Variants in HSPA12A observed in about 807,000 individuals in gnomAD.
The protein encoded by HSPA12A is heat shock 70 kDa protein 12A.
A neutral mutation model predicts 69.2 loss-of-function variants in HSPA12A; 28 were observed. That is an observed-to-expected ratio of 0.40 (90% CI 0.30 to 0.55). HSPA12A has a LOEUF of 0.55. Ranked by LOEUF, HSPA12A falls within the 20% of genes least tolerant of loss-of-function variation. The probability of loss-of-function intolerance (pLI) is 0.38; values close to 1 mark genes in which losing one functional copy is unlikely to be tolerated. For missense variants in HSPA12A, 686 were observed against 900.7 expected, an observed-to-expected ratio of 0.76 and a Z score of 3.05; for synonymous variants, 345 against 370.5, an observed-to-expected ratio of 0.93 and a Z score of 0.79.
At chr10:116,829,463 T>C (rs2133207680) in intron 2 of HSPA12A, 1 of 152,312 alleles carries the variant, frequency 6.6e-6, no homozygotes, top group Middle Eastern at 3.4e-3. Flanking sequence ...TCTCAAAGGA[T>C]GGGCAGGATT....
At chr10:116,801,268 A>C (rs1844949838) in intron 2 of HSPA12A, among the ~76,000 whole-genome samples, 1 of 152,218 alleles carries the variant, frequency 6.6e-6, no homozygotes. Context: ...TTCCTTTTTT[A>C]AATGAAAAGA....
intron 2 of HSPA12A, among the ~76,000 whole-genome samples, chr10:116,762,714 G>C (rs543077815): frequency 6.6e-6 from 1 of 152,188 alleles, no homozygotes; most frequent in Non-Finnish European, 1.5e-5. Context: ...CTCCCCGCTA[G>C]CTGGGACTAC....
At position 116,675,114 on chromosome 10, in the gene HSPA12A, G is replaced by A. The variant is rs781833187; in HGVS notation, c.1695C>T (p.Thr565=). 16 of 1,613,790 alleles carry A rather than the reference G, an allele frequency of 9.9e-6. No homozygotes were observed. Among genetic ancestry groups the A allele is most frequent in the East Asian group, 8.9e-5 (4 of 44,864 alleles). The change falls in exon 12 of 12, where the codon ACC becomes ACT. Residue 565 remains threonine (T), a synonymous_variant. Coordinates refer to ENST00000369209, the MANE Select transcript of HSPA12A (RefSeq NM_025015.3). This position sits in a 1 kb window ranked among gnomAD's most constrained non-coding sequence, Gnocchi z 5.2. ...LLVKDGTRWC[T]DVFDKFISAD... ...CAGAGATGAACTTGTCAAAGACGTC[G>A]GTGCACCACCGAGTGCCATCCTTCA...
intron 1 of HSPA12A, among the ~76,000 whole-genome samples, chr10:116,840,110 A>T (rs1159879315): frequency 6.6e-6 from 1 of 152,224 alleles, no homozygotes; most frequent in Non-Finnish European, 1.5e-5. Context: ...TCTTGCAAAT[A>T]TAAATTTAAA....
chr10:116,727,013 ATC>A (rs1850986527), intron 1 of HSPA12A, among the ~76,000 whole-genome samples: 1 of 151,252 alleles, frequency 6.6e-6, no homozygotes, highest in Non-Finnish European at 1.5e-5. Context: ...AAAACTGTGG[ATC>A]TAACAAAGTG....
In HSPA12A at chr10:116,679,637, A is replaced by C; in HGVS notation, c.1152T>G (p.Ile384Met). ...KRPAAWVDLMIAFESRKRAAA... is the reference protein window; with the variant it reads ...KRPAAWVDLMMAFESRKRAAA... ...CCGCCCTTTTGCGAGACTCAAACGCAATCATTAAGTCAACCCAGGCTGCAG... is the reference window on the plus strand; with the variant it reads ...CCGCCCTTTTGCGAGACTCAAACGCCATCATTAAGTCAACCCAGGCTGCAG... The change falls in exon 10 of 12, where the codon ATT becomes ATG. Residue 384 changes from isoleucine (I) to methionine (M), a missense_variant. By Grantham distance (10) the Ile-to-Met change is conservative (BLOSUM62 1). Transcript: ENST00000369209. The C allele has an allele frequency of 6.2e-7, 1 of 1,614,238 alleles. No individual in the cohort carries two copies. Among genetic ancestry groups the C allele is most frequent in the South Asian group, 1.1e-5 (1 of 91,090 alleles).
At chr10:116,743,162 C>T (rs1185754614), upstream of HSPA12A, among the ~76,000 whole-genome samples, 2 of 152,214 alleles carry the variant, frequency 1.3e-5, no homozygotes, top group Non-Finnish European at 2.9e-5. Flanking sequence ...AACTCCGGAC[C>T]CAGGGAGGTG....
At chr10:116,836,202 G>A (rs1373350682) in intron 1 of HSPA12A, among the ~76,000 whole-genome samples, 1 of 152,128 alleles carries the variant, frequency 6.6e-6, no homozygotes, top group Non-Finnish European at 1.5e-5. Flanking sequence ...CTCTCCAGCT[G>A]CGGAGCTTAT....
At chr10:116,817,518 T>G (rs1845328114) in intron 2 of HSPA12A, among the ~76,000 whole-genome samples, 1 of 120,186 alleles carries the variant, frequency 8.3e-6, no homozygotes, top group African/African-American at 3.2e-5. Context: ...CCAGTGTGTG[T>G]GTGTGGGTGG....
rs188063841 is a variant in HSPA12A at position 116,794,954 on chromosome 10, A to G, written c.91+39981T>C. Among the ~76,000 whole-genome samples the G allele has an allele frequency of 8.6e-4, 131 of 152,372 alleles. No homozygotes were observed. In the Middle Eastern group the frequency reaches 0.01, roughly 12 times the overall value. ...TAGAATTGATCAAAAAAGAAAATAT[A>G]CTATATCAAAACTTATAAGATGTAA... On this transcript the variant is annotated intron_variant, in intron 2 of 12. Coordinates refer to the HSPA12A transcript ENST00000635765.
At chr10:116,692,954 C>A (rs1469374017) in intron 5 of HSPA12A, among the ~76,000 whole-genome samples, 1 of 152,104 alleles carries the variant, frequency 6.6e-6, no homozygotes, top group African/African-American at 2.4e-5. Flanking sequence ...AGTCTCACTG[C>A]GCCCCTTTCC....
intron 2 of HSPA12A, among the ~76,000 whole-genome samples, chr10:116,760,566 C>G (rs782406359): frequency 3.9e-5 from 6 of 152,248 alleles, no homozygotes; most frequent in Non-Finnish European, 7.3e-5. Flanking sequence ...AGACATCCCA[C>G]TGAACTCGGG....
chr10:116,682,920 G>A (rs2133369745), intron 7 of HSPA12A, among the ~76,000 whole-genome samples: 2 of 144,536 alleles, frequency 1.4e-5, no homozygotes, highest in South Asian at 4.3e-4. Context: ...TTTCACCGTG[G>A]TCTGGATTTC....
At chr10:116,844,556 C>T (rs2133226280) in intron 1 of HSPA12A, among the ~76,000 whole-genome samples, 1 of 152,156 alleles carries the variant, frequency 6.6e-6, no homozygotes, top group East Asian at 1.9e-4. Context: ...ATCTTATTTC[C>T]TATGCGTGAT....
rs1849491239 is a variant in HSPA12A at position 116,683,818 on chromosome 10, C to T, written c.808G>A (p.Asp270Asn). The change falls in exon 7 of 12, where the codon GAC becomes AAC. Residue 270 changes from aspartate (D) to asparagine (N), a missense_variant. Coordinates refer to ENST00000369209, the MANE Select transcript of HSPA12A (RefSeq NM_025015.3). ...KAAVNGYSGS[D>N]TVGAGFTQAK... The stretch of plus-strand genomic sequence containing the variant: ...TGTGTAAACCCAGCTCCTACTGTGT[C>T]ACTGCCGCTGTACCCATTGACGGCT... 3 of 1,569,932 alleles carry T rather than the reference C, an allele frequency of 1.9e-6. No individual in the cohort carries two copies. Among genetic ancestry groups the T allele is most frequent in the Non-Finnish European group, 2.6e-6 (3 of 1,146,068 alleles).
intron 2 of HSPA12A, among the ~76,000 whole-genome samples, chr10:116,825,721 T>G (rs992004358): frequency 2.6e-5 from 4 of 152,176 alleles, no homozygotes; most frequent in Non-Finnish European, 4.4e-5. Flanking sequence ...GAGGAGTGGC[T>G]GCTGCTAATG....
chr10:116,675,950 C>T lies in HSPA12A; in HGVS notation c.1390+449G>A, dbSNP rs1359441449. Among the ~76,000 whole-genome samples, 1 of 152,200 alleles carries T rather than the reference C, an allele frequency of 6.6e-6. No individual in the cohort carries two copies. Among genetic ancestry groups the T allele is most frequent in the African/African-American group, 2.4e-5 (1 of 41,454 alleles). Reference sequence around the variant, plus strand: ...TGCTTGCAGAACTTCCTTTGATTCACACAACAGTTCCTTCTCCCCTAGCAG... The same window carrying T: ...TGCTTGCAGAACTTCCTTTGATTCATACAACAGTTCCTTCTCCCCTAGCAG... On this transcript the variant is annotated intron_variant, in intron 11 of 11. Transcript: ENST00000369209. The surrounding 1 kb of genome is among the most constrained non-coding windows in gnomAD (Gnocchi z 5.2).
intron 2 of HSPA12A, among the ~76,000 whole-genome samples, chr10:116,804,358 A>G (rs1320910802): frequency 6.6e-6 from 1 of 152,120 alleles, no homozygotes; most frequent in African/African-American, 2.4e-5. Flanking sequence ...CGGTGGCACC[A>G]GGCTCCCCGA....
intron 1 of HSPA12A, among the ~76,000 whole-genome samples, 176 bp downstream of exon 1, chr10:116,742,254 A>C (rs3095121): frequency 0.99 from 150,806 of 151,852 alleles, 74,901 homozygotes; most frequent in South Asian, 1. Flanking sequence ...GGTCCACCGG[A>C]CCCCGGCCCC....
Sources: gnomAD v4.1 joint callset for allele counts (sites outside exome capture counted in the v4.1 genomes callset) on GRCh38, gnomAD v4.1.1 for gene constraint, Gnocchi (gnomAD v3.1) non-coding constraint, MANE v1.5 for transcripts, NCBI Gene and HGNC (gene_info 2026-07-23, HGNC 2026-07-21) for gene names.